Variants in RANBP2 observed in about 807,000 individuals in gnomAD.
The protein encoded by RANBP2 is E3 SUMO-protein ligase RanBP2.
Under a neutral mutation model 303.6 loss-of-function variants are expected in RANBP2, and 57 were observed. That is an observed-to-expected ratio of 0.19 (90% CI 0.15 to 0.23). RANBP2 has a LOEUF of 0.23. Ranked by LOEUF, RANBP2 falls within the 10% of genes least tolerant of loss-of-function variation. RANBP2 has a pLI of 1.00. For synonymous variants in RANBP2, 1,167 were observed against 1,301.5 expected (o/e 0.90, Z 2.23); for missense variants, 3,138 against 3,780.8 (o/e 0.83, Z 4.46).
the RANBP2 span, among the ~76,000 whole-genome samples, chr2:109,190,660 C>G: frequency 2.0e-5 from 3 of 152,066 alleles, no homozygotes; most frequent in African/African-American, 7.2e-5. Context: ...TGTTTCATTT[C>G]TACAGTCTAT....
chr2:109,665,998 C>T, the RANBP2 span, among the ~76,000 whole-genome samples: 1 of 151,916 alleles, frequency 6.6e-6, no homozygotes, highest in South Asian at 2.1e-4. Flanking sequence ...GTAATCCCAG[C>T]TACTCAGGAG....
the RANBP2 span, among the ~76,000 whole-genome samples, chr2:109,562,704 GCA>G: frequency 3.3e-5 from 5 of 152,126 alleles, no homozygotes; most frequent in African/African-American, 1.2e-4. Flanking sequence ...CCACCTCAGT[GCA>G]CAGAGGCCTC....
intron 6 of RANBP2, among the ~76,000 whole-genome samples, chr2:108,737,138 A>G (rs1386859564): frequency 6.6e-6 from 1 of 152,132 alleles, no homozygotes; most frequent in Non-Finnish European, 1.5e-5. Context: ...AAAAGTACAT[A>G]AAAGTACCTA....
At chr2:108,876,386 A>G in the RANBP2 span, 11 of 534,718 alleles carry the variant, frequency 2.1e-5, no homozygotes, top group African/African-American at 1.9e-4. Flanking sequence ...AATTTTTTTG[A>G]ACTGTAAAAA....
the RANBP2 span, among the ~76,000 whole-genome samples, chr2:109,421,211 G>C: frequency 1.3e-5 from 2 of 152,332 alleles, no homozygotes; most frequent in East Asian, 3.9e-4. Flanking sequence ...AGCCCTGATG[G>C]AGTTTCCCAA....
At chr2:109,137,071 T>C in the RANBP2 span, among the ~76,000 whole-genome samples, 1 of 152,220 alleles carries the variant, frequency 6.6e-6, no homozygotes, top group Non-Finnish European at 1.5e-5. Context: ...CTATTTATAA[T>C]GAAATGTAAT....
the RANBP2 span, among the ~76,000 whole-genome samples, chr2:108,911,510 C>A: frequency 2.6e-5 from 4 of 152,182 alleles, no homozygotes; most frequent in African/African-American, 7.2e-5. Context: ...CCATCTTGCA[C>A]CTCATGCAAT....
At chr2:108,962,096 G>A in the RANBP2 span, among the ~76,000 whole-genome samples, 2 of 152,178 alleles carry the variant, frequency 1.3e-5, no homozygotes, top group Non-Finnish European at 2.9e-5. Context: ...CCACAAAGAT[G>A]TCCAAGTGAG....
chr2:108,800,853 C>T, the RANBP2 span, among the ~76,000 whole-genome samples: 1 of 124,096 alleles, frequency 8.1e-6, no homozygotes, highest in Non-Finnish European at 1.7e-5. Flanking sequence ...GTTCAATTCC[C>T]ACCTATGAGT....
At chr2:109,659,947 G>A in the RANBP2 span, among the ~76,000 whole-genome samples, 1 of 152,218 alleles carries the variant, frequency 6.6e-6, no homozygotes, top group South Asian at 2.1e-4. Context: ...CAAGATAGGG[G>A]CCCATGCTGA....
the RANBP2 span, among the ~76,000 whole-genome samples, chr2:109,009,110 T>C: frequency 2.6e-5 from 4 of 151,632 alleles, no homozygotes; most frequent in African/African-American, 4.8e-5. Context: ...GAGGCCGAGG[T>C]GGGCGGATCA....
the RANBP2 span, among the ~76,000 whole-genome samples, chr2:108,826,101 A>G: frequency 6.6e-6 from 1 of 152,070 alleles, no homozygotes; most frequent in Non-Finnish European, 1.5e-5. Context: ...TAATTGAGTT[A>G]TCTTTTTTAT....
chr2:109,351,876 T>C, the RANBP2 span, among the ~76,000 whole-genome samples: 1,485 of 152,364 alleles, frequency 9.7e-3, 28 homozygotes, highest in African/African-American at 0.034. Context: ...GACCTTCTTA[T>C]GCTGCTGAAT....
the RANBP2 span, chr2:108,910,512 C>T: frequency 6.2e-7 from 1 of 1,613,822 alleles, no homozygotes; most frequent in Non-Finnish European, 8.5e-7. Context: ...TCATCCTTCT[C>T]GGAGAACATC....
the RANBP2 span, chr2:109,613,231 G>GTT: frequency 7.9e-7 from 1 of 1,268,000 alleles, no homozygotes; most frequent in South Asian, 1.2e-5. Flanking sequence ...AAAAGTAACT[G>GTT]GAAAGGTTCA....
chr2:109,242,548 G>A, the RANBP2 span, among the ~76,000 whole-genome samples: 1,302 of 152,288 alleles, frequency 8.5e-3, 16 homozygotes, highest in African/African-American at 0.03. Context: ...CAAGTGGGAA[G>A]CCTGTGTCTG....
chr2:108,941,642 G>A, the RANBP2 span, among the ~76,000 whole-genome samples: 2 of 152,138 alleles, frequency 1.3e-5, no homozygotes, highest in Non-Finnish European at 2.9e-5. Flanking sequence ...AGGCACCCAG[G>A]GACTAGTTCT....
At chr2:109,019,652 T>C in the RANBP2 span, among the ~76,000 whole-genome samples, 1 of 152,198 alleles carries the variant, frequency 6.6e-6, no homozygotes, top group Non-Finnish European at 1.5e-5. Context: ...ATGTGCTGGT[T>C]TGATTTTTGG....
chr2:109,177,444 A>G, the RANBP2 span, among the ~76,000 whole-genome samples: 3 of 152,152 alleles, frequency 2.0e-5, no homozygotes, highest in Admixed American at 6.5e-5. Flanking sequence ...GGGGCCTGTG[A>G]TCTGCCAGAG....
Sources: allele counts gnomAD v4.1 joint callset (sites outside exome capture counted in the v4.1 genomes callset), GRCh38; gene constraint gnomAD v4.1.1; transcripts MANE v1.5; gene names NCBI Gene and HGNC (gene_info 2026-07-23, HGNC 2026-07-21).